The following PTCD2 variants were observed in gnomAD, a reference collection of about 807,000 sequenced individuals.
PTCD2 encodes pentatricopeptide repeat domain 2.
A neutral mutation model predicts 42.6 loss-of-function variants in PTCD2; 31 were observed. That is an observed-to-expected ratio of 0.73 (90% CI 0.55 to 0.98). The LOEUF (loss-of-function observed/expected upper bound fraction) is 0.98, where lower values mean the gene tolerates loss of function less well. Among genes scored for constraint, PTCD2 ranks in the 50% least tolerant of loss-of-function variants. PTCD2 has a pLI of 0.00. For missense variants in PTCD2, 476 were observed against 454.8 expected, an observed-to-expected ratio of 1.05 and a Z score of -0.42; for synonymous variants, 183 against 170.9, an observed-to-expected ratio of 1.07 and a Z score of -0.55.
intron 3 of PTCD2, among the ~76,000 whole-genome samples, chr5:72,329,681 GC>G (rs11313142): frequency 0.26 from 39,911 of 151,926 alleles, 5,409 homozygotes; most frequent in East Asian, 0.42. Flanking sequence ...AGACTTGTGT[GC>G]CAGGCACATC....
Position 72,363,244 on chromosome 5 carries a change from G to A in PTCD2, c.*4817G>A, listed in dbSNP as rs1289193478. ...CATAGCCAAGATGACAGCTGAACAG[G>A]CTCTCATCTTAAACCTGAACAGGCA... On this transcript the variant is annotated 3_prime_UTR_variant, in exon 10 of 10. Coordinates refer to ENST00000380639, the MANE Select transcript of PTCD2 (RefSeq NM_024754.5). 2.0e-5 allele frequency: 3 copies of A among 152,148 alleles called. No individual in the cohort carries two copies. The highest frequency in any genetic ancestry group is 4.1e-4 in the South Asian group (2 of 4,820). The allele number at this position is 152,148 out of a possible 1,614,324, so 9.4% of individuals were successfully genotyped here. A position where few individuals can be genotyped will look rare whatever the true frequency, so the allele number is the denominator to read the frequency against.
chr5:72,352,396 T>A (rs1047333024), intron 8 of PTCD2, among the ~76,000 whole-genome samples: 2 of 152,334 alleles, frequency 1.3e-5, no homozygotes, highest in East Asian at 1.9e-4. Flanking sequence ...TCTGCCCACC[T>A]TGGCCTCCCA....
chr5:72,330,752 G>A (rs1403566780), intron 3 of PTCD2, among the ~76,000 whole-genome samples: 3 of 152,174 alleles, frequency 2.0e-5, no homozygotes, highest in African/African-American at 7.2e-5. Context: ...TAGCCCAGGT[G>A]TACCTTTCTC....
At position 72,322,144 on chromosome 5, in the gene PTCD2, T is replaced by G. The variant is rs757544962; in HGVS notation, c.128-28T>G. ...TAACTTCTAAAACAGTCAAAATGAC[T>G]TTACTTTTTTCTTTCTCTGATTTTT... is the stretch of plus-strand genomic sequence containing the variant. On this transcript the variant is annotated intron_variant, in intron 1 of 9. Transcript: ENST00000380639. The G allele has an allele frequency of 3.2e-6, 4 of 1,236,220 alleles. No individual in the cohort carries two copies. In the Admixed American group the frequency reaches 7.0e-5, roughly 22 times the overall value. The allele number at this position is 1,236,220 out of a possible 1,614,324, so 76.6% of individuals were successfully genotyped here. A position where few individuals can be genotyped will look rare whatever the true frequency, so the allele number is the denominator to read the frequency against.
At position 72,365,299 on chromosome 5, in the gene PTCD2, T is replaced by C. The variant is rs1753174742; in HGVS notation, c.*6872T>C. 6.6e-6 allele frequency: 1 copy of C among 152,260 alleles called. No individual in the cohort carries two copies. The highest frequency in any genetic ancestry group is 1.5e-5 in the Non-Finnish European group (1 of 68,076). The allele number at this position is 152,260 out of a possible 1,614,324, so 9.4% of individuals were successfully genotyped here. A position where few individuals can be genotyped will look rare whatever the true frequency, so the allele number is the denominator to read the frequency against. ...GAAATGCATTGTCAGAGTAGAGTGA[T>C]GCTTTCTTTGTAAATCCCTTGTCTT... is the stretch of plus-strand genomic sequence containing the variant. On this transcript the variant is annotated 3_prime_UTR_variant, in exon 10 of 10. Transcript: ENST00000380639.
chr5:72,330,982 C>A (rs962960640), intron 3 of PTCD2, among the ~76,000 whole-genome samples: 1 of 152,294 alleles, frequency 6.6e-6, no homozygotes, highest in Middle Eastern at 3.4e-3. Flanking sequence ...GGGGTTGTTT[C>A]TAAATTTAGA....
chr5:72,366,746 A>G lies in PTCD2; in HGVS notation c.*8319A>G, dbSNP rs1392730726. 1 of 152,258 alleles carries G rather than the reference A, an allele frequency of 6.6e-6. No homozygotes were observed. Among genetic ancestry groups the G allele is most frequent in the Non-Finnish European group, 1.5e-5 (1 of 68,054 alleles). 9.4% of individuals were successfully genotyped at this position (152,258 alleles called of 1,614,324 possible). ...ATTTAGTGTTGAAAGGATACTTTTA[A>G]AAGAGAGAAAGCAGTAAAGTTGATC... On this transcript the variant is annotated 3_prime_UTR_variant, in exon 10 of 10. Transcript: ENST00000380639.
rs539321202 is a variant in PTCD2, at chr5:72,366,091, C to T, written c.*7664C>T. 1 of 152,290 alleles carries T rather than the reference C, an allele frequency of 6.6e-6. No individual in the cohort carries two copies. The highest frequency in any genetic ancestry group is 1.9e-4 in the East Asian group (1 of 5,180). 9.4% of individuals were successfully genotyped at this position (152,290 alleles called of 1,614,324 possible). On this transcript the variant is annotated 3_prime_UTR_variant, in exon 10 of 10. Coordinates refer to ENST00000380639, the MANE Select transcript of PTCD2 (RefSeq NM_024754.5). ...ATTAGCCAGGCGTGGTGGCGGGCAT[C>T]TGTAATTTCAGCTACTCAGGAGGTT...
rs543760984 is a variant in PTCD2, at chr5:72,359,695, C to T, written c.*1268C>T. ...CACAGCTTCAGGTGTTTGCTGAATC[C>T]AGGTCTGAGATCACAATCCCACCTG... On this transcript the variant is annotated 3_prime_UTR_variant, in exon 10 of 10. Transcript: ENST00000380639. 6.6e-6 allele frequency: 1 copy of T among 152,292 alleles called. No individual in the cohort carries two copies. The highest frequency in any genetic ancestry group is 2.1e-4 in the South Asian group (1 of 4,824). 9.4% of individuals were successfully genotyped at this position (152,292 alleles called of 1,614,324 possible).
Position 72,343,003 on chromosome 5 carries a change from G to C in PTCD2, c.795G>C (p.Met265Ile). Residue 265 changes from methionine (M) to isoleucine (I), a missense_variant, in exon 8 of 10, where the codon ATG becomes ATC. Transcript: ENST00000380639. Reference sequence around the variant, plus strand: ...CTGTGTCCATTTTTTCTCAAATCATGAATCCAGAAAGCATAGCCTGCATTA... The same window carrying C: ...CTGTGTCCATTTTTTCTCAAATCATCAATCCAGAAAGCATAGCCTGCATTA... ...AKAVSIFSQI[M>I]NPESIACINL... is the part of the protein sequence containing the mutation. 6.2e-7 allele frequency: 1 copy of C among 1,602,400 alleles called. No individual in the cohort carries two copies. Among genetic ancestry groups the C allele is most frequent in the Non-Finnish European group, 8.5e-7 (1 of 1,174,520 alleles).
chr5:72,342,123 C>T (rs1002676329), intron 7 of PTCD2, among the ~76,000 whole-genome samples: 3 of 151,648 alleles, frequency 2.0e-5, no homozygotes, highest in African/African-American at 7.3e-5. Flanking sequence ...TCTTTTAGAC[C>T]GGTCATTTGT....
At chr5:72,352,999 A>G (rs1462878957) in intron 9 of PTCD2, among the ~76,000 whole-genome samples, 1 of 152,082 alleles carries the variant, frequency 6.6e-6, no homozygotes, top group Non-Finnish European at 1.5e-5. Context: ...CATTGTATTC[A>G]TGGGCCCTGG....
chr5:72,357,593 A>G (rs759116912), intron 9 of PTCD2, among the ~76,000 whole-genome samples: 2 of 152,214 alleles, frequency 1.3e-5, no homozygotes, highest in Non-Finnish European at 2.9e-5. Context: ...TATAAAGCCT[A>G]TGTAATTTGG....
At chr5:72,349,824 T>C (rs1453336808) in intron 8 of PTCD2, among the ~76,000 whole-genome samples, 1 of 152,222 alleles carries the variant, frequency 6.6e-6, no homozygotes, top group African/African-American at 2.4e-5. Context: ...CTCTTTGCCT[T>C]TTATCGGTGA....
At chr5:72,334,183 AT>A (rs1264932476) in intron 4 of PTCD2, among the ~76,000 whole-genome samples, 12 of 152,162 alleles carry the variant, frequency 7.9e-5, no homozygotes, top group African/African-American at 2.9e-4. Flanking sequence ...TACAATTTTT[AT>A]TTGTCAATTA....
At chr5:72,349,647 C>G (rs1752522838) in intron 8 of PTCD2, among the ~76,000 whole-genome samples, 1 of 152,134 alleles carries the variant, frequency 6.6e-6, no homozygotes. Flanking sequence ...AGCATGTGTT[C>G]TTTAAATAGT....
rs1386542848 is a variant in PTCD2 at position 72,326,637 on chromosome 5, G to T, written c.246G>T (p.Lys82Asn). The T allele has an allele frequency of 6.2e-7, 1 of 1,614,122 alleles. No individual in the cohort carries two copies. Among genetic ancestry groups the T allele is most frequent in the South Asian group, 1.1e-5 (1 of 91,078 alleles). The change falls in exon 3 of 10, where the codon AAG (lysine) becomes AAT (asparagine). Residue 82 changes from lysine to asparagine, a missense_variant. Coordinates refer to ENST00000380639, the MANE Select transcript of PTCD2 (RefSeq NM_024754.5). ...TKETYFRNLK[K>N]KLTQNKLILK... Reference sequence around the variant, plus strand: ...AAACGTATTTTAGAAACTTGAAAAAGAAACTGACCCAGAACAAGCTCATCT... The same window carrying T: ...AAACGTATTTTAGAAACTTGAAAAATAAACTGACCCAGAACAAGCTCATCT...
chr5:72,359,302 T>A lies in PTCD2; in HGVS notation c.*875T>A, dbSNP rs1475556349. 2 of 152,210 alleles carry A rather than the reference T, an allele frequency of 1.3e-5. No individual in the cohort carries two copies. The highest frequency in any genetic ancestry group is 2.9e-5 in the Non-Finnish European group (2 of 68,030). 9.4% of individuals were successfully genotyped at this position (152,210 alleles called of 1,614,324 possible). A position where few individuals can be genotyped will look rare whatever the true frequency, so the allele number is the denominator to read the frequency against. On this transcript the variant is annotated 3_prime_UTR_variant, in exon 10 of 10. Transcript: ENST00000380639. ...AAAAAAAAATGTGCCATGAGAGCAG[T>A]TCAAAGCTGCTTCATACTTATGGTC... is the stretch of plus-strand genomic sequence containing the variant.
intron 9 of PTCD2, among the ~76,000 whole-genome samples, chr5:72,353,787 T>C (rs553580308): frequency 6.6e-6 from 1 of 152,242 alleles, no homozygotes; most frequent in East Asian, 1.9e-4. Flanking sequence ...CTAGGATAAG[T>C]AGAGAGCCAA....
Sources: gnomAD v4.1 joint callset for allele counts (sites outside exome capture counted in the v4.1 genomes callset) on GRCh38, gnomAD v4.1.1 for gene constraint, MANE v1.5 for transcripts, NCBI Gene and HGNC (gene_info 2026-07-23, HGNC 2026-07-21) for gene names.